The following DHRS12 variants were observed in gnomAD, a reference collection of about 807,000 sequenced individuals.
DHRS12 encodes dehydrogenase/reductase 12, also known as dehydrogenase/reductase SDR family member 12.
A neutral mutation model predicts 32.1 loss-of-function variants in DHRS12; 29 were observed. That is an observed-to-expected ratio of 0.90 (90% confidence interval 0.67 to 1.23). DHRS12 has a LOEUF of 1.23. DHRS12 is among the 50% of genes most tolerant of loss of function. The pLI is 0.00. For synonymous variants in DHRS12, 150 were observed against 135.9 expected (o/e 1.10, Z -0.72); for missense variants, 330 against 337.2 (o/e 0.98, Z 0.17).
chr13:51,755,223 A>C, the DHRS12 span: 1 of 790,960 alleles, frequency 1.3e-6, no homozygotes. Flanking sequence ...ATATTTTTTG[A>C]ATGATTGACT....
In DHRS12 at chr13:51,804,076, T is replaced by C. The variant is rs1265159265; in HGVS notation, c.-31A>G. The C allele has an allele frequency of 1.3e-6, 2 of 1,493,234 alleles. No homozygotes were observed. Among genetic ancestry groups the C allele is most frequent in the Non-Finnish European group, 1.8e-6 (2 of 1,128,332 alleles). The allele number at this position is 1,493,234 out of a possible 1,614,324, so 92.5% of individuals were successfully genotyped here. ...TACTTGGTGTACTCGCGCAGCCCCT[T>C]GGCGAACCACACGACGCTGCGGTAC... On this transcript the variant is annotated 5_prime_UTR_variant, in exon 1 of 9. Transcript: ENST00000444610.
chr13:51,765,709 CTT>C (rs1347378722), downstream of DHRS12: 1 of 152,170 alleles, frequency 6.6e-6, no homozygotes, highest in Admixed American at 6.5e-5. Context: ...GCTTTCTGGA[CTT>C]TTTCCATCTA....
At chr13:51,803,814 A>G (rs554300100) in intron 1 of DHRS12, 25 of 343,760 alleles carry the variant, frequency 7.3e-5, no homozygotes, top group African/African-American at 4.8e-4. Context: ...TGGGCGCGCC[A>G]CAGCCCCGCC....
chr13:51,777,215 C>T (rs1338250793), intron 4 of DHRS12, 94 bp from the exon 5 acceptor site: 41 of 1,451,346 alleles, frequency 2.8e-5, no homozygotes, highest in South Asian at 5.7e-5. Flanking sequence ...TGCCCGCACC[C>T]GCCCCCCACA....
chr13:51,804,077 G>A lies in DHRS12; in HGVS notation c.-32C>T, dbSNP rs1405388848. ...ACTTGGTGTACTCGCGCAGCCCCTT[G>A]GCGAACCACACGACGCTGCGGTACA... On this transcript the variant is annotated 5_prime_UTR_variant, in exon 1 of 9. Transcript: ENST00000444610. 3.3e-6 allele frequency: 5 copies of A among 1,493,314 alleles called. No homozygotes were observed. Among genetic ancestry groups the A allele is most frequent in the South Asian group, 1.3e-5 (1 of 79,938 alleles). 92.5% of individuals were successfully genotyped at this position (1,493,314 alleles called of 1,614,324 possible).
intron 4 of DHRS12, among the ~76,000 whole-genome samples, chr13:51,778,684 G>T (rs1954559254): frequency 6.6e-6 from 1 of 152,104 alleles, no homozygotes; most frequent in African/African-American, 2.4e-5. Context: ...AGGATGGCGA[G>T]AGCTGGGGTG....
At chr13:51,791,032 C>G (rs1955241977) in intron 3 of DHRS12, 133 bp downstream of exon 3, 1 of 521,166 alleles carries the variant, frequency 1.9e-6, no homozygotes, top group South Asian at 5.1e-5. Flanking sequence ...ATTCCATGAA[C>G]AGGCCCAAGC....
the DHRS12 span, chr13:51,758,382 G>A: frequency 2.0e-6 from 2 of 1,022,144 alleles, no homozygotes; most frequent in Non-Finnish European, 2.9e-6. Context: ...GGGAGGCACT[G>A]TTCTAAAGGT....
intron 4 of DHRS12, among the ~76,000 whole-genome samples, chr13:51,777,939 A>T (rs1426627822): frequency 6.6e-6 from 1 of 152,228 alleles, no homozygotes; most frequent in Non-Finnish European, 1.5e-5. Context: ...CCCCAAAGTG[A>T]GGCAGGAATC....
chr13:51,767,592 G>A (rs1201863062), downstream of DHRS12: 1 of 152,790 alleles, frequency 6.5e-6, no homozygotes, highest in Non-Finnish European at 1.5e-5. Flanking sequence ...GAGGTAAAAT[G>A]GTGTAAATTA....
Position 51,768,175 on chromosome 13 carries a change from G to A in DHRS12, c.*12C>T, listed in dbSNP as rs1953836496. On this transcript the variant is annotated 3_prime_UTR_variant, in exon 9 of 9. Coordinates refer to ENST00000444610, the MANE Select transcript of DHRS12 (RefSeq NM_001377533.1). ...TAAGGCAATTCTGGTACCGCACTGT[G>A]TCTGGGTTGGCCTATTTAAATGTCT... The A allele has an allele frequency of 1.3e-6, 2 of 1,536,134 alleles. No individual in the cohort carries two copies. The highest frequency in any genetic ancestry group is 2.7e-5 in the African/African-American group (2 of 73,160).
At chr13:51,780,793 T>C (rs1954669341) in intron 4 of DHRS12, among the ~76,000 whole-genome samples, 1 of 152,232 alleles carries the variant, frequency 6.6e-6, no homozygotes, top group African/African-American at 2.4e-5. Context: ...AAATACTAAA[T>C]TCATAGTATT....
At chr13:51,756,530 C>T in the DHRS12 span, 79 of 1,528,440 alleles carry the variant, frequency 5.2e-5, no homozygotes, top group African/African-American at 7.9e-4. Flanking sequence ...TTGCACTCAG[C>T]GCCGCAACCA....
chr13:51,770,706 A>T, intron 7 of DHRS12: 2 of 980,946 alleles, frequency 2.0e-6, no homozygotes, highest in Non-Finnish European at 1.2e-6. Context: ...ATGAGATGCC[A>T]CAAAGCACCA....
chr13:51,768,076 C>A lies in DHRS12; in HGVS notation c.*111G>T. On this transcript the variant is annotated 3_prime_UTR_variant, in exon 9 of 9. Transcript: ENST00000444610. ...CCCTTGTAGGCCTCGCTGTGAGGCA[C>A]AACGTCTTCGAGGGGAAGTTGAAGT... 1 of 1,485,044 alleles carries A rather than the reference C, an allele frequency of 6.7e-7. No individual in the cohort carries two copies. Among genetic ancestry groups the A allele is most frequent in the Non-Finnish European group, 8.9e-7 (1 of 1,122,078 alleles). The allele number at this position is 1,485,044 out of a possible 1,614,324, so 92.0% of individuals were successfully genotyped here.
chr13:51,798,784 C>A (rs1955621811), intron 2 of DHRS12, among the ~76,000 whole-genome samples: 1 of 152,202 alleles, frequency 6.6e-6, no homozygotes, highest in Non-Finnish European at 1.5e-5. Flanking sequence ...CAACCTAGTT[C>A]CCCACCTTCT....
chr13:51,795,318 G>A (rs1190500081), intron 2 of DHRS12, among the ~76,000 whole-genome samples: 1 of 152,172 alleles, frequency 6.6e-6, no homozygotes, highest in African/African-American at 2.4e-5. Context: ...CCACTGAGCA[G>A]GGCCTAAGCA....
chr13:51,794,051 G>T (rs748075333), intron 2 of DHRS12, among the ~76,000 whole-genome samples: 5 of 152,136 alleles, frequency 3.3e-5, no homozygotes, highest in Non-Finnish European at 7.4e-5. Flanking sequence ...TCCCTCTGAG[G>T]CAAAACAGGA....
chr13:51,768,441 G>T, intron 8 of DHRS12, 145 bp from the exon 9 acceptor site: 1 of 1,455,512 alleles, frequency 6.9e-7, no homozygotes. Flanking sequence ...GCTGTCAAAG[G>T]TCCCACAGGG....
Sources: allele counts gnomAD v4.1 joint callset (sites outside exome capture counted in the v4.1 genomes callset), GRCh38; gene constraint gnomAD v4.1.1; transcripts MANE v1.5; gene names NCBI Gene and HGNC (gene_info 2026-07-23, HGNC 2026-07-21).